SPRY3: variants seen among roughly 807,000 people sequenced by gnomAD.
SPRY3 encodes the protein sprouty RTK signaling antagonist 3, also known as protein sprouty homolog 3.
In SPRY3, 15 loss-of-function variants were observed where a neutral mutation model predicts 20.2. That is an observed-to-expected ratio of 0.74 (90% confidence interval 0.50 to 1.14). The LOEUF (loss-of-function observed/expected upper bound fraction) is 1.14. Ranked by LOEUF, SPRY3 falls within the 50% of genes most tolerant of loss-of-function variation. SPRY3 has a pLI of 0.00. For missense variants in SPRY3, 364 were observed against 363.9 expected (o/e 1.00, Z 0.00); for synonymous variants, 143 against 136.5 (o/e 1.05, Z -0.33).
intron 2 of SPRY3, among the ~76,000 whole-genome samples, chrX:155,728,362 T>C (rs1345982934): frequency 6.6e-6 from 1 of 152,196 alleles, no homozygotes; most frequent in Non-Finnish European, 1.5e-5. Flanking sequence ...GACAGGGACA[T>C]TTAAGTCTGC....
At chrX:155,757,947 C>T (rs1031451339) in intron 2 of SPRY3, among the ~76,000 whole-genome samples, 1 of 152,106 alleles carries the variant, frequency 6.6e-6, no homozygotes, top group African/African-American at 2.4e-5. Context: ...CCACACAGTC[C>T]CTACAATGAT....
chrX:155,719,055 G>C (rs984297989), intron 2 of SPRY3, among the ~76,000 whole-genome samples: 1 of 152,168 alleles, frequency 6.6e-6, no homozygotes, highest in African/African-American at 2.4e-5. Flanking sequence ...GCACTGAAGA[G>C]GTAGAAAAAA....
intron 2 of SPRY3, among the ~76,000 whole-genome samples, chrX:155,721,954 T>TA (rs2091061863): frequency 6.6e-6 from 1 of 151,932 alleles, no homozygotes; most frequent in Admixed American, 6.6e-5. Context: ...ACCCTTGTCC[T>TA]AAGTAGAAAG....
At chrX:155,776,732 G>A (rs2091428803) in exon 4 of SPRY3, 1 of 166,926 alleles carries the variant, frequency 6.0e-6, no homozygotes, top group African/African-American at 2.4e-5. Flanking sequence ...GTGGGGAGAA[G>A]TGTATAGTAG....
intron 2 of SPRY3, among the ~76,000 whole-genome samples, chrX:155,728,146 G>A (rs1433901838): frequency 2.0e-5 from 3 of 152,156 alleles, no homozygotes; most frequent in African/African-American, 4.8e-5. Flanking sequence ...AGCAAATATT[G>A]CAGAACAGCA....
chrX:155,625,361 C>T (rs2067884868), intron 1 of SPRY3, among the ~76,000 whole-genome samples: 1 of 111,490 alleles, frequency 9.0e-6, no homozygotes, highest in African/African-American at 3.2e-5. Flanking sequence ...ATCTTTTCAT[C>T]TGTAAATGTT....
intron 2 of SPRY3, among the ~76,000 whole-genome samples, chrX:155,700,052 A>C (rs2068131357): frequency 9.3e-6 from 1 of 107,266 alleles, no homozygotes; most frequent in African/African-American, 3.4e-5. Context: ...TCAACAACAA[A>C]AAGACAAAAC....
At chrX:155,736,229 A>C (rs5940567) in intron 2 of SPRY3, among the ~76,000 whole-genome samples, 2 of 151,978 alleles carry the variant, frequency 1.3e-5, no homozygotes, top group African/African-American at 4.8e-5. Context: ...GAAACATAAG[A>C]AAAATAAAAT....
intron 2 of SPRY3, among the ~76,000 whole-genome samples, chrX:155,662,684 A>AAAG (rs1213939364): frequency 2.0e-5 from 2 of 102,313 alleles, no homozygotes; most frequent in East Asian, 5.8e-4. Context: ...TAGTTTGGCA[A>AAAG]AAAAAAAAAA....
At chrX:155,625,145 T>C (rs2067884250) in intron 1 of SPRY3, among the ~76,000 whole-genome samples, 1 of 111,751 alleles carries the variant, frequency 8.9e-6, no homozygotes, top group South Asian at 3.7e-4. Flanking sequence ...AATAATTGTG[T>C]ATATTTATGA....
At chrX:155,710,067 T>C (rs2090975852) in intron 2 of SPRY3, among the ~76,000 whole-genome samples, 2 of 151,980 alleles carry the variant, frequency 1.3e-5, no homozygotes, top group South Asian at 4.2e-4. Flanking sequence ...ACCATAGCTC[T>C]GTAATATAAT....
At chrX:155,664,129 CTT>C (rs1346879193) in intron 2 of SPRY3, among the ~76,000 whole-genome samples, 2 of 110,327 alleles carry the variant, frequency 1.8e-5, no homozygotes, top group Non-Finnish European at 3.8e-5. Flanking sequence ...AGAAATAACT[CTT>C]ATAAAATGCA....
At chrX:155,619,319 T>C (rs1234550233) in intron 1 of SPRY3, among the ~76,000 whole-genome samples, 4 of 110,856 alleles carry the variant, frequency 3.6e-5, no homozygotes, top group Non-Finnish European at 5.7e-5. Context: ...TTTTGCACAT[T>C]TGTCAAAAGT....
At chrX:155,697,506 C>CAA (rs2123999098) in intron 2 of SPRY3, among the ~76,000 whole-genome samples, 1 of 88,589 alleles carries the variant, frequency 1.1e-5, no homozygotes, top group Non-Finnish European at 2.1e-5. Flanking sequence ...CACATACACA[C>CAA]ACACACACAC....
At chrX:155,721,423 A>G (rs949564302) in intron 2 of SPRY3, among the ~76,000 whole-genome samples, 2 of 152,214 alleles carry the variant, frequency 1.3e-5, no homozygotes, top group African/African-American at 4.8e-5. Context: ...AAACCTAGAG[A>G]AAGATATCAA....
intron 2 of SPRY3, among the ~76,000 whole-genome samples, chrX:155,712,914 A>T (rs1224465446): frequency 1.3e-5 from 2 of 152,018 alleles, no homozygotes; most frequent in Non-Finnish European, 2.9e-5. Context: ...AACTGCTGAC[A>T]ATTTAACTCT....
chrX:155,621,144 C>A (rs2067869818), intron 1 of SPRY3, among the ~76,000 whole-genome samples: 1 of 111,904 alleles, frequency 8.9e-6, no homozygotes, highest in Admixed American at 9.5e-5. Context: ...CAAGAATATG[C>A]AAGAACAGCT....
At chrX:155,654,769 T>A (rs1469642727) in intron 1 of SPRY3, among the ~76,000 whole-genome samples, 1 of 108,573 alleles carries the variant, frequency 9.2e-6, no homozygotes, top group Non-Finnish European at 1.9e-5. Flanking sequence ...ATCATCTGTT[T>A]ATGCACACTT....
At chrX:155,690,314 G>T (rs1481529196) in intron 2 of SPRY3, among the ~76,000 whole-genome samples, 1 of 88,417 alleles carries the variant, frequency 1.1e-5, no homozygotes, top group Non-Finnish European at 2.1e-5. Context: ...GTAGAGAGTT[G>T]ATGTCTGTCA....
Sources: allele counts gnomAD v4.1 joint callset (sites outside exome capture counted in the v4.1 genomes callset), GRCh38; gene constraint gnomAD v4.1.1; transcripts MANE v1.5; gene names NCBI Gene and HGNC (gene_info 2026-07-23, HGNC 2026-07-21).